USH1G: variants seen among roughly 807,000 people sequenced by gnomAD.
USH1G encodes the protein USH1 protein network component sans, also known as pre-mRNA splicing regulator USH1G.
In USH1G, 27 loss-of-function variants were observed where a neutral mutation model predicts 31.9. The observed-to-expected ratio is 0.85, with a 90% CI of 0.62 to 1.17. The LOEUF (loss-of-function observed/expected upper bound fraction) is 1.17, where lower values mean the gene tolerates loss of function less well. USH1G is among the 50% of genes most tolerant of loss of function. The probability of loss-of-function intolerance (pLI) is 0.00; values close to 1 mark genes in which losing one functional copy is unlikely to be tolerated. For synonymous variants in USH1G, 266 were observed against 283.2 expected, an observed-to-expected ratio of 0.94 and a Z score of 0.61; for missense variants, 674 against 638.9, an observed-to-expected ratio of 1.05 and a Z score of -0.59.
Position 74,920,632 on chromosome 17 carries a change from G to T in USH1G, c.204C>A (p.Pro68=), listed in dbSNP as rs1468894412. 1.2e-6 allele frequency: 2 copies of T among 1,613,842 alleles called. No homozygotes were observed. The highest frequency in any genetic ancestry group is 1.3e-5 in the African/African-American group (1 of 75,076). ...GGCCATTGGAAGCTGCCAGATGCAG[G>T]GGTGTGTTGCCCCAGATGTCACACT... The part of the protein sequence containing the change: ...PDKCDIWGNT[P]LHLAASNGHL... Residue 68 remains proline (P), a synonymous_variant, in exon 2 of 3, where the codon CCC becomes CCA. Transcript: ENST00000614341. The surrounding 1 kb of genome is among the most constrained non-coding windows in gnomAD (Gnocchi z 5.2).
chr17:74,922,336 G>A (rs1040411787), intron 1 of USH1G, among the ~76,000 whole-genome samples: 1 of 150,064 alleles, frequency 6.7e-6, no homozygotes, highest in Non-Finnish European at 1.5e-5. Context: ...AGCTGTGCCC[G>A]GCTGTGGGGG....
chr17:74,922,562 C>G (rs192749423), intron 1 of USH1G, among the ~76,000 whole-genome samples: 4 of 152,052 alleles, frequency 2.6e-5, no homozygotes, highest in African/African-American at 9.7e-5. Flanking sequence ...GCTGGCCCCT[C>G]GAGACTTCCT....
Position 74,916,399 on chromosome 17 carries a change from G to A in USH1G, c.*1674C>T, listed in dbSNP as rs1307940371. ...GTAGGACAGGGACCATCTCCTCCATGCCCCCTACTCTGGGCACATGTGTGG... is the reference window on the plus strand; with the variant it reads ...GTAGGACAGGGACCATCTCCTCCATACCCCCTACTCTGGGCACATGTGTGG... On this transcript the variant is annotated 3_prime_UTR_variant, in exon 3 of 3. Transcript: ENST00000614341. The A allele has an allele frequency of 6.6e-6, 1 of 152,250 alleles. No individual in the cohort carries two copies. Among genetic ancestry groups the A allele is most frequent in the African/African-American group, 2.4e-5 (1 of 41,416 alleles). The allele number at this position is 152,250 out of a possible 1,614,324, so 9.4% of individuals were successfully genotyped here. A position where few individuals can be genotyped will look rare whatever the true frequency, so the allele number is the denominator to read the frequency against.
In USH1G at chr17:74,920,887, A is replaced by T. The variant is rs980203975; in HGVS notation, c.165-216T>A. ...CAGGGGAAAATGGCCTCAGGCATGC[A>T]GGGGGTGGGGTGACAGAGAAGGCGG... is the stretch of plus-strand genomic sequence containing the variant. On this transcript the variant is annotated intron_variant, in intron 1 of 2. Transcript: ENST00000614341. This position sits in a 1 kb window ranked among gnomAD's most constrained non-coding sequence, Gnocchi z 5.2. Among the ~76,000 whole-genome samples the T allele has an allele frequency of 6.6e-6, 1 of 152,124 alleles. No individual in the cohort carries two copies. Among genetic ancestry groups the T allele is most frequent in the African/African-American group, 2.4e-5 (1 of 41,442 alleles).
rs985343878 is a variant in USH1G, at chr17:74,922,845, G to A, written c.164+65C>T. ...CAGGGGAAGGAGGCAGCTCAGAGGAGTGGTGGACGAGGAAGTTTGGGGTGG... is the reference window on the plus strand; with the variant it reads ...CAGGGGAAGGAGGCAGCTCAGAGGAATGGTGGACGAGGAAGTTTGGGGTGG... On this transcript the variant is annotated intron_variant, in intron 1 of 2. Transcript: ENST00000614341. 1.5e-5 allele frequency: 23 copies of A among 1,503,276 alleles called. No homozygotes were observed. The African/African-American group carries it at 3.1e-4, about 20-fold the overall frequency. 93.1% of individuals were successfully genotyped at this position (1,503,276 alleles called of 1,614,324 possible).
In USH1G at chr17:74,920,783, G is replaced by T; in HGVS notation, c.165-112C>A. On this transcript the variant is annotated intron_variant, in intron 1 of 2. Transcript: ENST00000614341. The surrounding 1 kb of genome is among the most constrained non-coding windows in gnomAD (Gnocchi z 5.2). ...CCACTGTCACAGCAACCCCCAAAGG[G>T]ACCGTGGGCCTGAGATCTCTCCCAC... The T allele has an allele frequency of 6.8e-7, 1 of 1,471,172 alleles. No individual in the cohort carries two copies. Among genetic ancestry groups the T allele is most frequent in the Non-Finnish European group, 9.2e-7 (1 of 1,088,900 alleles). The allele number at this position is 1,471,172 out of a possible 1,614,324, so 91.1% of individuals were successfully genotyped here.
rs866075782 is a variant in USH1G at position 74,919,839 on chromosome 17, C to G, written c.997G>C (p.Asp333His). The G allele has an allele frequency of 3.7e-6, 6 of 1,612,770 alleles. No individual in the cohort carries two copies. The highest frequency in any genetic ancestry group is 4.2e-6 in the Non-Finnish European group (5 of 1,179,848). ...SSGLHGLGRE[D>H]GGLDGVGAPR... ...GCTCCCACCCCATCCAGACCCCCATCCTCGCGGCCCAGTCCGTGCAGCCCA... is the reference window on the plus strand; with the variant it reads ...GCTCCCACCCCATCCAGACCCCCATGCTCGCGGCCCAGTCCGTGCAGCCCA... Residue 333 changes from aspartate (D) to histidine (H), a missense_variant, in exon 2 of 3, where the codon GAT becomes CAT. By Grantham distance (81) the Asp-to-His change is moderately conservative. Coordinates refer to ENST00000614341, the MANE Select transcript of USH1G (RefSeq NM_173477.5). The surrounding 1 kb of genome is among the most constrained non-coding windows in gnomAD (Gnocchi z 4.5).
rs1052362180 is a variant in USH1G, at chr17:74,920,717, G to T, written c.165-46C>A. ...AGGGACGAGTGACGAGTCCTGGCTG[G>T]GGATGGAGGTGGAGGGAGTGGAGGG... On this transcript the variant is annotated intron_variant, in intron 1 of 2. Transcript: ENST00000614341. This position sits in a 1 kb window ranked among gnomAD's most constrained non-coding sequence, Gnocchi z 5.2. The T allele has an allele frequency of 2.5e-6, 4 of 1,610,838 alleles. No homozygotes were observed. In the African/African-American group the frequency reaches 5.3e-5, roughly 22 times the overall value.
rs998184111 is a variant in USH1G, at chr17:74,918,020, C to G, written c.*53G>C. 25 of 1,613,356 alleles carry G rather than the reference C, an allele frequency of 1.5e-5. No individual in the cohort carries two copies. Among genetic ancestry groups the G allele is most frequent in the Non-Finnish European group, 1.9e-5 (22 of 1,179,594 alleles). On this transcript the variant is annotated 3_prime_UTR_variant, in exon 3 of 3. Coordinates refer to ENST00000614341, the MANE Select transcript of USH1G (RefSeq NM_173477.5). This position sits in a 1 kb window ranked among gnomAD's most constrained non-coding sequence, Gnocchi z 4.1. ...AACTGTGAGGACCTCGAGACCCCACCATAGGTTGTGGCAACTTGCAATTCA... is the reference window on the plus strand; with the variant it reads ...AACTGTGAGGACCTCGAGACCCCACGATAGGTTGTGGCAACTTGCAATTCA...
At chr17:74,922,285 G>T (rs925582336) in intron 1 of USH1G, among the ~76,000 whole-genome samples, 3 of 145,944 alleles carry the variant, frequency 2.1e-5, no homozygotes, top group Admixed American at 7.0e-5. Flanking sequence ...GGGAAGAGAA[G>T]CCCCTTCAGG....
At position 74,923,028 on chromosome 17, in the gene USH1G, G is replaced by A. The variant is rs876657419; in HGVS notation, c.46C>T (p.Leu16Phe). The change falls in exon 1 of 3, where the codon CTC (leucine) becomes TTC (phenylalanine). Residue 16 changes from leucine (L) to phenylalanine (F), a missense_variant. Physicochemically the swap from Leu to Phe is conservative, Grantham distance 22. Coordinates refer to ENST00000614341, the MANE Select transcript of USH1G (RefSeq NM_173477.5). The surrounding 1 kb of genome is among the most constrained non-coding windows in gnomAD (Gnocchi z 5.3). ...TCCTTTCGGGTGGCCTCCTTGAGGA[G>A]CTCCAGGTAGCCATCCCGGGCTGCC... Reference protein sequence around the residue: ...HRAARDGYLELLKEATRKELN... With the variant: ...HRAARDGYLEFLKEATRKELN... 2 of 1,583,270 alleles carry A rather than the reference G, an allele frequency of 1.3e-6. No homozygotes were observed. Among genetic ancestry groups the A allele is most frequent in the Non-Finnish European group, 1.7e-6 (2 of 1,163,398 alleles).
rs1169315349 is a variant in USH1G at position 74,918,574 on chromosome 17, T to C, written c.1383-498A>G. ...GCTCACGCCTGTAATCCCAGCACTTTGGGAGGCCAGAGTGGGCAGATCACT... is the reference window on the plus strand; with the variant it reads ...GCTCACGCCTGTAATCCCAGCACTTCGGGAGGCCAGAGTGGGCAGATCACT... On this transcript the variant is annotated intron_variant, in intron 2 of 2. Coordinates refer to ENST00000614341, the MANE Select transcript of USH1G (RefSeq NM_173477.5). This position sits in a 1 kb window ranked among gnomAD's most constrained non-coding sequence, Gnocchi z 4.1. 2.0e-5 allele frequency among the ~76,000 whole-genome samples: 3 copies of C among 152,106 alleles called. No homozygotes were observed. Among genetic ancestry groups the C allele is most frequent in the African/African-American group, 7.2e-5 (3 of 41,418 alleles).
In USH1G at chr17:74,917,583, G is replaced by C. The variant is rs777858100; in HGVS notation, c.*490C>G. ...GTCTGGCTGAGGAACTTCCCCTCTG[G>C]GGTGGACGGGAGGAGGGGAGGCAGC... On this transcript the variant is annotated 3_prime_UTR_variant, in exon 3 of 3. Coordinates refer to ENST00000614341, the MANE Select transcript of USH1G (RefSeq NM_173477.5). The C allele has an allele frequency of 5.8e-6, 1 of 172,064 alleles. No individual in the cohort carries two copies. Among genetic ancestry groups the C allele is most frequent in the Non-Finnish European group, 1.3e-5 (1 of 78,936 alleles). 10.7% of individuals were successfully genotyped at this position (172,064 alleles called of 1,614,324 possible).
At position 74,918,141 on chromosome 17, in the gene USH1G, C is replaced by T; in HGVS notation, c.1383-65G>A. The T allele has an allele frequency of 6.2e-7, 1 of 1,605,074 alleles. No homozygotes were observed. The highest frequency in any genetic ancestry group is 8.5e-7 in the Non-Finnish European group (1 of 1,174,968). The stretch of plus-strand genomic sequence containing the variant: ...GGCCCTCCAGAGGCATCATTTTCAC[C>T]CAGGGCAGCCATCTGGACAACTTAG... On this transcript the variant is annotated intron_variant, in intron 2 of 2. Coordinates refer to ENST00000614341, the MANE Select transcript of USH1G (RefSeq NM_173477.5). This position sits in a 1 kb window ranked among gnomAD's most constrained non-coding sequence, Gnocchi z 4.1.
chr17:74,920,668 A>T lies in USH1G; in HGVS notation c.168T>A (p.Gly56=), dbSNP rs2038932549. The change falls in exon 2 of 3, where the codon GGT becomes GGA. Residue 56 remains glycine, a synonymous_variant. Coordinates refer to ENST00000614341, the MANE Select transcript of USH1G (RefSeq NM_173477.5). This position sits in a 1 kb window ranked among gnomAD's most constrained non-coding sequence, Gnocchi z 5.2. ...CCCAGATGTCACACTTGTCCGGGTC[A>T]CCCCTGCAGGGAAAGCATTCAGGAG... ...ESLRLIVSRG[G]DPDKCDIWGN... 1 of 1,613,064 alleles carries T rather than the reference A, an allele frequency of 6.2e-7. No homozygotes were observed. The highest frequency in any genetic ancestry group is 8.5e-7 in the Non-Finnish European group (1 of 1,179,934).
chr17:74,921,374 G>C lies in USH1G; in HGVS notation c.165-703C>G, dbSNP rs2038941178. Among the ~76,000 whole-genome samples the C allele has an allele frequency of 6.6e-6, 1 of 152,014 alleles. No homozygotes were observed. The highest frequency in any genetic ancestry group is 1.5e-5 in the Non-Finnish European group (1 of 67,964). On this transcript the variant is annotated intron_variant, in intron 1 of 2. Transcript: ENST00000614341. The surrounding 1 kb of genome is among the most constrained non-coding windows in gnomAD (Gnocchi z 4.6). ...CCTTCCCTAGGTTGCCCCCTCTTTG[G>C]TATCCCTGCAAGGCTGGCTCACTTG...
rs946632458 is a variant in USH1G at position 74,921,162 on chromosome 17, C to T, written c.165-491G>A. 3.3e-5 allele frequency among the ~76,000 whole-genome samples: 5 copies of T among 152,004 alleles called. No individual in the cohort carries two copies. Among genetic ancestry groups the T allele is most frequent in the African/African-American group, 9.7e-5 (4 of 41,374 alleles). On this transcript the variant is annotated intron_variant, in intron 1 of 2. Transcript: ENST00000614341. The surrounding 1 kb of genome is among the most constrained non-coding windows in gnomAD (Gnocchi z 4.6). ...GTGCCGGGCCCCAGCCCCGGGTGAG[C>T]GTGTGTGAAGTGTGGGCTTGCATGT...
rs750635796 is a variant in USH1G at position 74,919,929 on chromosome 17, G to A, written c.907C>T (p.His303Tyr). 6.2e-6 allele frequency: 10 copies of A among 1,612,728 alleles called. No homozygotes were observed. Among genetic ancestry groups the A allele is most frequent in the Admixed American group, 5.0e-5 (3 of 60,000 alleles). ...AHSEVSTDSG[H>Y]DSLFTRPGLG... ...CCGGGGCGGGTAAACAGGGAGTCGTGGCCTGAGTCGGTGCTGACCTCCGAG... is the reference window on the plus strand; with the variant it reads ...CCGGGGCGGGTAAACAGGGAGTCGTAGCCTGAGTCGGTGCTGACCTCCGAG... The change falls in exon 2 of 3, where the codon CAC becomes TAC. Residue 303 changes from histidine to tyrosine, a missense_variant. His to Tyr is a moderately conservative substitution (Grantham distance 83, BLOSUM62 2). Transcript: ENST00000614341. The surrounding 1 kb of genome is among the most constrained non-coding windows in gnomAD (Gnocchi z 4.5).
At position 74,920,019 on chromosome 17, in the gene USH1G, G is replaced by A. The variant is rs377680000; in HGVS notation, c.817C>T (p.Arg273Trp). Reference protein sequence around the residue: ...NPKEWGRAPLRDMFLSDEDSV... With the variant: ...NPKEWGRAPLWDMFLSDEDSV... Reference sequence around the variant, plus strand: ...TCCTCGTCCGAGAGGAACATGTCCCGGAGCGGGGCTCGGCCCCACTCCTTG... The same window carrying A: ...TCCTCGTCCGAGAGGAACATGTCCCAGAGCGGGGCTCGGCCCCACTCCTTG... Residue 273 changes from arginine to tryptophan, a missense_variant, in exon 2 of 3, where the codon CGG (arginine) becomes TGG (tryptophan). Arg to Trp is a moderately radical substitution (Grantham distance 101, BLOSUM62 -3). Transcript: ENST00000614341. The surrounding 1 kb of genome is among the most constrained non-coding windows in gnomAD (Gnocchi z 5.2). The A allele has an allele frequency of 6.3e-5, 101 of 1,611,744 alleles. No individual in the cohort carries two copies. The highest frequency in any genetic ancestry group is 8.6e-5 in the Non-Finnish European group (101 of 1,179,706).
Sources: gnomAD v4.1 joint callset for allele counts (sites outside exome capture counted in the v4.1 genomes callset) on GRCh38, gnomAD v4.1.1 for gene constraint, Gnocchi (gnomAD v3.1) non-coding constraint, MANE v1.5 for transcripts, NCBI Gene and HGNC (gene_info 2026-07-23, HGNC 2026-07-21) for gene names.